SYT1: variants seen among roughly 807,000 people sequenced by gnomAD.
SYT1 encodes synaptotagmin 1, also known as synaptotagmin-1.
In SYT1, 8 loss-of-function variants were observed where a neutral mutation model predicts 44.8. The observed-to-expected ratio is 0.18, with a 90% CI of 0.10 to 0.32. The LOEUF (loss-of-function observed/expected upper bound fraction) is 0.32, where lower values mean the gene tolerates loss of function less well. Ranked by LOEUF, SYT1 falls within the 10% of genes least tolerant of loss-of-function variation. The pLI, the probability that SYT1 is intolerant of heterozygous loss-of-function variation, is 1.00. For synonymous variants in SYT1, 154 were observed against 188.8 expected, an observed-to-expected ratio of 0.82 and a Z score of 1.51; for missense variants, 286 against 509.3, an observed-to-expected ratio of 0.56 and a Z score of 4.22.
At chr12:79,238,555 C>T (rs778304426) in intron 4 of SYT1, among the ~76,000 whole-genome samples, 3 of 152,142 alleles carry the variant, frequency 2.0e-5, no homozygotes, top group Non-Finnish European at 4.4e-5. Flanking sequence ...GAACTGTTCT[C>T]TTCCATAAGA....
intron 3 of SYT1, among the ~76,000 whole-genome samples, chr12:79,193,809 T>C (rs926912583): frequency 6.6e-6 from 1 of 152,212 alleles, no homozygotes; most frequent in African/African-American, 2.4e-5. Flanking sequence ...ATCATTCTTA[T>C]ATATTTCTTC....
At chr12:79,099,949 C>T (rs1878350648) in intron 3 of SYT1, among the ~76,000 whole-genome samples, 1 of 152,040 alleles carries the variant, frequency 6.6e-6, no homozygotes, top group Non-Finnish European at 1.5e-5. Context: ...GCTTTAGAAT[C>T]ACAGTAAACA....
chr12:79,117,692 T>A (rs1273948000), intron 3 of SYT1, among the ~76,000 whole-genome samples: 1 of 83,578 alleles, frequency 1.2e-5, no homozygotes, highest in South Asian at 3.7e-4. Flanking sequence ...TATATATATA[T>A]ATATATATAT....
chr12:79,065,899 G>A (rs867501968), intron 3 of SYT1, among the ~76,000 whole-genome samples: 8 of 151,894 alleles, frequency 5.3e-5, no homozygotes, highest in South Asian at 4.2e-4. Context: ...TAAAAATTAC[G>A]GGGGGGAAGG....
chr12:79,312,655 T>C (rs1880866530), intron 8 of SYT1, among the ~76,000 whole-genome samples: 1 of 152,190 alleles, frequency 6.6e-6, no homozygotes, highest in Non-Finnish European at 1.5e-5. Context: ...TTTGAAACTA[T>C]ATTCACATTG....
rs181029693 is a variant in SYT1 at position 79,041,517 on chromosome 12, A to G, written c.-83-5780A>G. ...TGAAGTTGCTTATCAGCTTAAGGAG[A>G]TTTTGGGCTGAGACAATGGGGTTTT... On this transcript the variant is annotated intron_variant, in intron 2 of 10. Coordinates refer to ENST00000261205, the MANE Select transcript of SYT1 (RefSeq NM_005639.3). 4.1e-3 allele frequency among the ~76,000 whole-genome samples: 621 copies of G among 152,136 alleles called. 13 individuals are homozygous for G. In the East Asian group the frequency reaches 0.064, roughly 16 times the overall value.
intron 4 of SYT1, among the ~76,000 whole-genome samples, chr12:79,280,764 G>A (rs1241081396): frequency 5.3e-5 from 8 of 151,326 alleles, no homozygotes; most frequent in African/African-American, 1.7e-4. Flanking sequence ...TCCAACAAAC[G>A]GCTAATATCC....
At chr12:79,271,639 T>C (rs570967330) in intron 4 of SYT1, among the ~76,000 whole-genome samples, 7 of 152,210 alleles carry the variant, frequency 4.6e-5, no homozygotes, top group Non-Finnish European at 7.4e-5. Context: ...TCAATAAATA[T>C]TTTTCTTTGC....
chr12:78,968,754 T>C (rs1868306043), intron 1 of SYT1, among the ~76,000 whole-genome samples: 1 of 152,102 alleles, frequency 6.6e-6, no homozygotes, highest in Non-Finnish European at 1.5e-5. Context: ...CATGCCAAAG[T>C]AGGGTTCAGT....
intron 4 of SYT1, among the ~76,000 whole-genome samples, chr12:79,281,923 C>T (rs1879072851): frequency 6.6e-6 from 1 of 152,180 alleles, no homozygotes; most frequent in Non-Finnish European, 1.5e-5. Flanking sequence ...GTCAGCAGGG[C>T]CAATTCTCTC....
At chr12:79,404,471 G>A (rs1885176005) in intron 9 of SYT1, among the ~76,000 whole-genome samples, 1 of 152,146 alleles carries the variant, frequency 6.6e-6, no homozygotes. Context: ...GTACACAGGA[G>A]CAAGAAGTTT....
intron 3 of SYT1, among the ~76,000 whole-genome samples, chr12:79,216,103 T>A (rs1874787326): frequency 6.6e-6 from 1 of 151,744 alleles, no homozygotes; most frequent in Non-Finnish European, 1.5e-5. Context: ...GACTAATTTT[T>A]ATATTTTAGT....
At chr12:78,947,807 A>G (rs1878749363) in intron 1 of SYT1, among the ~76,000 whole-genome samples, 1 of 151,932 alleles carries the variant, frequency 6.6e-6, no homozygotes, top group Non-Finnish European at 1.5e-5. Context: ...TAAAAAAAAA[A>G]GATAGAATTT....
At chr12:78,999,813 A>C (rs1870615469) in intron 2 of SYT1, among the ~76,000 whole-genome samples, 1 of 152,126 alleles carries the variant, frequency 6.6e-6, no homozygotes, top group Non-Finnish European at 1.5e-5. Context: ...CCCTACAAAG[A>C]ATTCATTAAC....
At chr12:79,233,464 GT>G (rs1418554839) in intron 4 of SYT1, among the ~76,000 whole-genome samples, 1 of 152,178 alleles carries the variant, frequency 6.6e-6, no homozygotes, top group African/African-American at 2.4e-5. Context: ...AGGTTTCTGT[GT>G]TTCACCCTAT....
At chr12:79,325,433 A>C (rs1357744622) in intron 8 of SYT1, among the ~76,000 whole-genome samples, 3 of 152,260 alleles carry the variant, frequency 2.0e-5, no homozygotes, top group Non-Finnish European at 4.4e-5. Flanking sequence ...AATAAAGAAT[A>C]AATACTGTTA....
intron 3 of SYT1, among the ~76,000 whole-genome samples, chr12:79,192,106 T>A (rs1358367927): frequency 6.6e-6 from 1 of 151,978 alleles, no homozygotes. Flanking sequence ...GAACCTGAAA[T>A]GAAGACAAGC....
intron 1 of SYT1, among the ~76,000 whole-genome samples, chr12:78,911,761 G>C (rs543739859): frequency 7.0e-4 from 106 of 151,986 alleles, no homozygotes; most frequent in African/African-American, 2.5e-3. Flanking sequence ...TCATGATGTT[G>C]GTGACACCTT....
intron 1 of SYT1, among the ~76,000 whole-genome samples, chr12:78,900,221 C>G (rs1468030329): frequency 6.6e-6 from 1 of 152,010 alleles, no homozygotes; most frequent in African/African-American, 2.4e-5. Flanking sequence ...TTATTTTATT[C>G]TTTCATTTAA....
Sources: allele counts gnomAD v4.1 joint callset (sites outside exome capture counted in the v4.1 genomes callset), GRCh38; gene constraint gnomAD v4.1.1; transcripts MANE v1.5; gene names NCBI Gene and HGNC (gene_info 2026-07-23, HGNC 2026-07-21).